The following CCDC138 variants were observed in gnomAD, a reference collection of about 807,000 sequenced individuals.
CCDC138 encodes the protein coiled-coil domain containing 138, also known as coiled-coil domain-containing protein 138.
Under a neutral mutation model 82.3 loss-of-function variants are expected in CCDC138, and 66 were observed. The observed-to-expected ratio is 0.80, with a 90% CI of 0.66 to 0.98. The LOEUF (loss-of-function observed/expected upper bound fraction) is 0.98, where lower values mean the gene tolerates loss of function less well. CCDC138 is among the 50% of genes least tolerant of loss of function. The pLI, the probability that CCDC138 is intolerant of heterozygous loss-of-function variation, is 0.00. For synonymous variants in CCDC138, 297 were observed against 265.4 expected (o/e 1.12, Z -1.16); for missense variants, 816 against 758.9 (o/e 1.08, Z -0.88).
At chr2:108,838,361 C>T (rs1688922722) in intron 10 of CCDC138, among the ~76,000 whole-genome samples, 1 of 152,136 alleles carries the variant, frequency 6.6e-6, no homozygotes, top group Non-Finnish European at 1.5e-5. Context: ...ACACAATACA[C>T]TCATAATCAT....
intron 11 of CCDC138, among the ~76,000 whole-genome samples, chr2:108,841,979 C>T (rs991185677): frequency 2.6e-5 from 4 of 152,040 alleles, no homozygotes; most frequent in African/African-American, 9.7e-5. Context: ...GAGAGTACCC[C>T]TCCAATGATT....
rs375113030 is a variant in CCDC138, at chr2:108,861,771, G to A, written c.1693+4801G>A. The stretch of plus-strand genomic sequence containing the variant: ...GCTGGGATTACAGGCGTGAGCCACC[G>A]CGCCCGGCCTAAACCTCGGCCTCCC... On this transcript the variant is annotated intron_variant, in intron 13 of 14. Coordinates refer to ENST00000295124, the MANE Select transcript of CCDC138 (RefSeq NM_144978.3). Among the ~76,000 whole-genome samples the A allele has an allele frequency of 1.1e-3, 171 of 151,842 alleles. 1 individual carries two copies. Among genetic ancestry groups the A allele is most frequent in the African/African-American group, 3.5e-3 (143 of 41,400 alleles).
intron 10 of CCDC138, among the ~76,000 whole-genome samples, chr2:108,830,716 G>T (rs1370862024): frequency 6.6e-6 from 1 of 152,056 alleles, no homozygotes; most frequent in Non-Finnish European, 1.5e-5. Flanking sequence ...GCTGAGGCAA[G>T]AGAGTCGCTT....
chr2:108,825,107 A>C (rs1574085736), intron 10 of CCDC138, among the ~76,000 whole-genome samples: 1 of 152,146 alleles, frequency 6.6e-6, no homozygotes, highest in South Asian at 2.1e-4. Flanking sequence ...ATAAATTAGG[A>C]ATGTGAGATA....
chr2:108,815,335 A>G (rs1168628615), intron 9 of CCDC138, among the ~76,000 whole-genome samples: 4 of 151,990 alleles, frequency 2.6e-5, no homozygotes, highest in African/African-American at 7.2e-5. Context: ...TGGATAAAGA[A>G]TTTTTATGAA....
intron 3 of CCDC138, among the ~76,000 whole-genome samples, chr2:108,789,690 A>T (rs1330831451): frequency 1.3e-5 from 2 of 152,180 alleles, no homozygotes; most frequent in Non-Finnish European, 2.9e-5. Flanking sequence ...TATGCATTGT[A>T]TTTAGGTGAT....
At chr2:108,878,349 C>A, downstream of CCDC138, 1 of 204,716 alleles carries the variant, frequency 4.9e-6, no homozygotes, top group South Asian at 9.4e-5. Flanking sequence ...GATTTCAGGC[C>A]AAGAAACAAA....
At chr2:108,789,976 A>G (rs1679632885) in intron 3 of CCDC138, among the ~76,000 whole-genome samples, 1 of 152,146 alleles carries the variant, frequency 6.6e-6, no homozygotes, top group South Asian at 2.1e-4. Flanking sequence ...TGTTGAAATA[A>G]TTGTGGAGAG....
At chr2:108,859,234 A>G (rs1340757555) in intron 13 of CCDC138, among the ~76,000 whole-genome samples, 3 of 152,112 alleles carry the variant, frequency 2.0e-5, no homozygotes, top group South Asian at 2.1e-4. Context: ...TCCTTTGCCT[A>G]CTTTTTAACG....
intron 12 of CCDC138, among the ~76,000 whole-genome samples, chr2:108,849,278 A>G (rs1189416222): frequency 3.3e-5 from 5 of 152,184 alleles, no homozygotes; most frequent in Non-Finnish European, 7.3e-5. Flanking sequence ...TGAAGAGGGG[A>G]GACAAAAACT....
chr2:108,879,465 GAGAA>G (rs1395221826), downstream of CCDC138, among the ~76,000 whole-genome samples: 1 of 152,104 alleles, frequency 6.6e-6, no homozygotes, highest in Non-Finnish European at 1.5e-5. Flanking sequence ...TTGGCAAAAT[GAGAA>G]AGAATAAGAT....
At chr2:108,863,562 A>G (rs1221391192) in intron 13 of CCDC138, among the ~76,000 whole-genome samples, 1 of 152,190 alleles carries the variant, frequency 6.6e-6, no homozygotes, top group African/African-American at 2.4e-5. Context: ...GGGGTTTTTT[A>G]TGTAGTAAAA....
rs752611873 is a variant in CCDC138 at position 108,846,958 on chromosome 2, A to G, written c.1516+28A>G. The G allele has an allele frequency of 3.2e-6, 4 of 1,248,804 alleles. No homozygotes were observed. The Admixed American group carries it at 6.1e-5, about 19-fold the overall frequency. The allele number at this position is 1,248,804 out of a possible 1,614,324, so 77.4% of individuals were successfully genotyped here. ...AAGCTTTCAATTGTACTTATGGTTA[A>G]TTTTGAGAAACAATAGAGAATATCA... is the stretch of plus-strand genomic sequence containing the variant. On this transcript the variant is annotated intron_variant, in intron 12 of 14. Coordinates refer to ENST00000295124, the MANE Select transcript of CCDC138 (RefSeq NM_144978.3).
rs756504364 is a variant in CCDC138, at chr2:108,873,580, C to A, written c.1823C>A (p.Ser608Tyr). 5 of 1,591,120 alleles carry A rather than the reference C, an allele frequency of 3.1e-6. No homozygotes were observed. In the Admixed American group the frequency reaches 5.3e-5, roughly 17 times the overall value. ...CTCAGTATTATTTTACAGAAACTTT[C>A]CAAAATCAAGTAAGAATTTCTTATT... Reference protein sequence around the residue: ...EKLSIILQKLSKIKSNKKLFE... With the variant: ...EKLSIILQKLYKIKSNKKLFE... The change falls in exon 14 of 15, where the codon TCC becomes TAC. Residue 608 changes from serine to tyrosine, a missense_variant. Coordinates refer to ENST00000295124, the MANE Select transcript of CCDC138 (RefSeq NM_144978.3).
chr2:108,790,586 C>G, intron 3 of CCDC138, among the ~76,000 whole-genome samples: 1 of 152,138 alleles, frequency 6.6e-6, no homozygotes, highest in Non-Finnish European at 1.5e-5. Context: ...CCTGTAGTCC[C>G]AGCTACTCGG....
chr2:108,870,707 A>C (rs1164835769), intron 13 of CCDC138, among the ~76,000 whole-genome samples: 2 of 152,254 alleles, frequency 1.3e-5, no homozygotes, highest in Non-Finnish European at 2.9e-5. Context: ...ACATTATGCT[A>C]AATGAAATAA....
At chr2:108,884,803 G>GT (rs1024122411) in intron 2 of CCDC138, 2 of 152,230 alleles carry the variant, frequency 1.3e-5, no homozygotes, top group African/African-American at 4.8e-5. Flanking sequence ...CCGGGCAGCT[G>GT]TGAGTCCAGG....
intron 10 of CCDC138, among the ~76,000 whole-genome samples, chr2:108,838,496 C>T (rs189580285): frequency 6.6e-6 from 1 of 152,176 alleles, no homozygotes; most frequent in Admixed American, 6.5e-5. Flanking sequence ...TTGGAGGGAT[C>T]TTCTTAAATC....
intron 2 of CCDC138, chr2:108,884,959 T>C (rs1696387955): frequency 6.6e-6 from 1 of 152,264 alleles, no homozygotes; most frequent in Non-Finnish European, 1.5e-5. Flanking sequence ...TCCCTGTCTG[T>C]AGAATGAGAA....
Sources: gnomAD v4.1 joint callset for allele counts (sites outside exome capture counted in the v4.1 genomes callset) on GRCh38, gnomAD v4.1.1 for gene constraint, MANE v1.5 for transcripts, NCBI Gene and HGNC (gene_info 2026-07-23, HGNC 2026-07-21) for gene names.